The following GPC4 variants were observed in gnomAD, a reference collection of about 807,000 sequenced individuals.
The protein encoded by GPC4 is glypican 4.
A neutral mutation model predicts 35.0 loss-of-function variants in GPC4; 10 were observed. The ratio of observed to expected loss-of-function variants is 0.29; its 90% CI spans 0.18 to 0.48. The LOEUF (loss-of-function observed/expected upper bound fraction) is 0.48, where lower values mean the gene tolerates loss of function less well. GPC4 is among the 20% of genes least tolerant of loss of function. The pLI, the probability that GPC4 is intolerant of heterozygous loss-of-function variation, is 0.99. For missense variants in GPC4, 322 were observed against 451.3 expected, an observed-to-expected ratio of 0.71 and a Z score of 2.60; for synonymous variants, 167 against 170.2, an observed-to-expected ratio of 0.98 and a Z score of 0.15.
At chrX:133,381,009 A>G (rs747970162) in intron 1 of GPC4, among the ~76,000 whole-genome samples, 12 of 111,609 alleles carry the variant, frequency 1.1e-4, no homozygotes, top group Non-Finnish European at 2.1e-4. Flanking sequence ...AATAGCTCTT[A>G]CCAGCCCTGC....
At chrX:133,304,615 A>C (rs1418919569) in intron 7 of GPC4, 110 bp downstream of exon 7, 1 of 901,895 alleles carries the variant, frequency 1.1e-6, no homozygotes. Context: ...GTTGCTACCT[A>C]CTGTGAATTG....
Position 133,311,774 on chromosome X carries a change from T to C in GPC4, c.712-351A>G, listed in dbSNP as rs977837067. Among the ~76,000 whole-genome samples, 3 of 110,863 alleles carry C rather than the reference T, an allele frequency of 2.7e-5. No homozygotes were observed. In the Admixed American group the frequency reaches 2.9e-4, roughly 11 times the overall value. ...ACAAATAACTATGCAGGGTGAGCCA[T>C]GAGATGCAGTGGAGGAGACTATCTT... On this transcript the variant is annotated intron_variant, in intron 3 of 8. Coordinates refer to ENST00000370828, the MANE Select transcript of GPC4 (RefSeq NM_001448.3).
intron 1 of GPC4, chrX:133,414,500 C>T (rs1456787394): frequency 1.3e-6 from 1 of 751,698 alleles, no homozygotes; most frequent in Admixed American, 8.8e-5. Flanking sequence ...CCCGGGACGG[C>T]GAATAATGCA....
rs182702839 is a variant in GPC4 at position 133,384,222 on chromosome X, C to A, written c.160+30584G>T. Among the ~76,000 whole-genome samples the A allele has an allele frequency of 8.1e-5, 9 of 110,992 alleles. No individual in the cohort carries two copies. In the East Asian group the frequency reaches 2.6e-3, roughly 31 times the overall value. On this transcript the variant is annotated intron_variant, in intron 1 of 8. Transcript: ENST00000370828. ...ACAGCCTTTTTCTTTTTCTTTTTTC[C>A]TGGAAGGAATAGTGCTATTGATTTT...
At chrX:133,355,688 G>C (rs904936436) in intron 1 of GPC4, among the ~76,000 whole-genome samples, 1 of 111,689 alleles carries the variant, frequency 9.0e-6, no homozygotes, top group Non-Finnish European at 1.9e-5. Context: ...ATTGCATGTT[G>C]AAAAGTGACT....
At chrX:133,382,728 G>A (rs1439039535) in intron 1 of GPC4, among the ~76,000 whole-genome samples, 1 of 111,160 alleles carries the variant, frequency 9.0e-6, no homozygotes, top group African/African-American at 3.3e-5. Flanking sequence ...GCGAGACTCC[G>A]TCTCAAAAAC....
chrX:133,364,238 A>G (rs112080863), intron 1 of GPC4, among the ~76,000 whole-genome samples: 2,435 of 112,102 alleles, frequency 0.022, 65 homozygotes, highest in African/African-American at 0.075. Context: ...TTCCAAAGTT[A>G]GAATGAGTCC....
chrX:133,322,487 G>A (rs1446283234), intron 3 of GPC4, among the ~76,000 whole-genome samples: 1 of 107,213 alleles, frequency 9.3e-6, no homozygotes, highest in Non-Finnish European at 1.9e-5. Context: ...CTGAGCCTGG[G>A]AAGTGGAGGT....
intron 2 of GPC4, among the ~76,000 whole-genome samples, chrX:133,338,614 A>G (rs1457694523): frequency 2.7e-5 from 3 of 111,583 alleles, no homozygotes; most frequent in Non-Finnish European, 1.9e-5. Context: ...TTTTACATGG[A>G]AAGACTATGC....
chrX:133,409,231 G>C lies in GPC4; in HGVS notation c.160+5575C>G, dbSNP rs752640631. On this transcript the variant is annotated intron_variant, in intron 1 of 8. Transcript: ENST00000370828. ...CCAGCTACTCTGGAGGCTGAGGCAG[G>C]AGAATTGCTTGAGCCTGGGAGGCAG... Among the ~76,000 whole-genome samples, 3 of 103,496 alleles carry C rather than the reference G, an allele frequency of 2.9e-5. No homozygotes were observed. In the South Asian group the frequency reaches 1.4e-3, roughly 48 times the overall value. 89.9% of individuals were successfully genotyped at this position (103,496 alleles called of 115,157 possible). A position where few individuals can be genotyped will look rare whatever the true frequency, so the allele number is the denominator to read the frequency against.
chrX:133,414,945 G>A lies in GPC4; in HGVS notation c.21C>T (p.Pro7=), dbSNP rs758144380. The A allele has an allele frequency of 4.1e-6, 5 of 1,210,512 alleles. No homozygotes were observed. Among genetic ancestry groups the A allele is most frequent in the Non-Finnish European group, 5.6e-6 (5 of 894,924 alleles). MARFGL[P]ALLCTLAVLS... ...GCACTGCCAGGGTGCAGAGAAGCGCGGGCAAGCCGAACCGTGCCATGGTGC... is the reference window on the plus strand; with the variant it reads ...GCACTGCCAGGGTGCAGAGAAGCGCAGGCAAGCCGAACCGTGCCATGGTGC... The change falls in exon 1 of 9, where the codon CCC becomes CCT. Residue 7 remains proline, a synonymous_variant. Coordinates refer to ENST00000370828, the MANE Select transcript of GPC4 (RefSeq NM_001448.3).
intron 1 of GPC4, among the ~76,000 whole-genome samples, chrX:133,373,719 G>A (rs757420400): frequency 1.5e-4 from 17 of 111,839 alleles, no homozygotes; most frequent in Non-Finnish European, 2.8e-4. Flanking sequence ...TCCCTTTCTG[G>A]AGTCTCTAGA....
chrX:133,313,653 C>A (rs369331621), intron 3 of GPC4, among the ~76,000 whole-genome samples: 98 of 111,602 alleles, frequency 8.8e-4, no homozygotes, highest in African/African-American at 2.9e-3. Flanking sequence ...TTGGAAGGGA[C>A]CAGAGAGATC....
intron 1 of GPC4, among the ~76,000 whole-genome samples, chrX:133,402,429 A>G (rs1251115356): frequency 8.9e-6 from 1 of 112,330 alleles, no homozygotes; most frequent in African/African-American, 3.2e-5. Flanking sequence ...GACAGGCTTT[A>G]AGAGGCCTGC....
At chrX:133,330,295 A>C (rs752377534) in intron 2 of GPC4, among the ~76,000 whole-genome samples, 3 of 111,694 alleles carry the variant, frequency 2.7e-5, no homozygotes, top group African/African-American at 6.5e-5. Flanking sequence ...GCCTCCTTGT[A>C]AATGCTACAA....
intron 3 of GPC4, among the ~76,000 whole-genome samples, chrX:133,321,320 T>C (rs924439374): frequency 9.0e-6 from 1 of 111,531 alleles, no homozygotes; most frequent in Non-Finnish European, 1.9e-5. Flanking sequence ...TCTAAACTTC[T>C]CAGTTTGGCT....
At chrX:133,342,032 A>ATTTTTTTT (rs975355748) in intron 1 of GPC4, among the ~76,000 whole-genome samples, 2 of 72,897 alleles carry the variant, frequency 2.7e-5, no homozygotes, top group Non-Finnish European at 5.3e-5. Context: ...TTTTGGCACT[A>ATTTTTTTT]TTTTTTTTTT....
In GPC4 at chrX:133,415,243, G is replaced by A; in HGVS notation, c.-278C>T. 3.3e-6 allele frequency: 1 copy of A among 299,154 alleles called. No individual in the cohort carries two copies. Among genetic ancestry groups the A allele is most frequent in the Non-Finnish European group, 5.8e-6 (1 of 172,237 alleles). The allele number at this position is 299,154 out of a possible 1,213,427, so 24.7% of individuals were successfully genotyped here. On this transcript the variant is annotated 5_prime_UTR_variant, in exon 1 of 9. Transcript: ENST00000370828. ...GCCCAGGGAAGCAGAGGCGCGGGCT[G>A]GTGACCTCGGGGTTTCGCGGGGCAG...
chrX:133,366,762 C>A (rs182243151), intron 1 of GPC4, among the ~76,000 whole-genome samples: 11 of 111,200 alleles, frequency 9.9e-5, no homozygotes, highest in East Asian at 2.9e-4. Context: ...AACAAAAGGA[C>A]CAGAGAGGCT....
Sources: gnomAD v4.1 joint callset for allele counts (sites outside exome capture counted in the v4.1 genomes callset) on GRCh38, gnomAD v4.1.1 for gene constraint, MANE v1.5 for transcripts, NCBI Gene and HGNC (gene_info 2026-07-23, HGNC 2026-07-21) for gene names.